Variants in SLC7A8 observed in about 807,000 individuals in gnomAD.
SLC7A8 encodes solute carrier family 7 member 8.
A neutral mutation model predicts 51.2 loss-of-function variants in SLC7A8; 30 were observed. The ratio of observed to expected loss-of-function variants is 0.59; its 90% CI spans 0.44 to 0.80. The LOEUF is 0.80. SLC7A8 is among the 30% of genes least tolerant of loss of function. SLC7A8 has a pLI of 0.00. For synonymous variants in SLC7A8, 257 were observed against 275.8 expected (o/e 0.93, Z 0.67); for missense variants, 612 against 674.4 (o/e 0.91, Z 1.03).
chr14:23,168,215 G>A (rs1222442294), intron 1 of SLC7A8, among the ~76,000 whole-genome samples: 2 of 152,214 alleles, frequency 1.3e-5, no homozygotes, highest in Non-Finnish European at 2.9e-5. Context: ...TTTATGTAAA[G>A]TTCTATGATA....
chr14:23,161,715 G>T (rs1269624378), intron 3 of SLC7A8, among the ~76,000 whole-genome samples: 1 of 152,092 alleles, frequency 6.6e-6, no homozygotes, highest in Non-Finnish European at 1.5e-5. Context: ...ATCACTTGAG[G>T]TCAGGAGTTT....
rs547334752 is a variant in SLC7A8 at position 23,131,809 on chromosome 14, G to T, written c.1017-252C>A. Reference sequence around the variant, plus strand: ...GTTAGACCCTGAATGTGGTATGGGTGGCTCAGGGTTACTGATAATTGTACT... The same window carrying T: ...GTTAGACCCTGAATGTGGTATGGGTTGCTCAGGGTTACTGATAATTGTACT... On this transcript the variant is annotated intron_variant, in intron 7 of 10. Coordinates refer to ENST00000316902, the MANE Select transcript of SLC7A8 (RefSeq NM_012244.4). 1.1e-4 allele frequency among the ~76,000 whole-genome samples: 17 copies of T among 152,366 alleles called. No homozygotes were observed. In the East Asian group the frequency reaches 2.1e-3, roughly 19 times the overall value.
intron 1 of SLC7A8, among the ~76,000 whole-genome samples, chr14:23,176,967 G>A (rs1876956199): frequency 6.7e-6 from 1 of 148,956 alleles, no homozygotes; most frequent in African/African-American, 2.5e-5. Context: ...AAAAAAATTG[G>A]GATTTAGTAA....
chr14:23,132,036 A>G (rs1487487777), intron 7 of SLC7A8, among the ~76,000 whole-genome samples: 3 of 124,346 alleles, frequency 2.4e-5, no homozygotes, highest in African/African-American at 9.5e-5. Context: ...ATGGAGTCTG[A>G]CTCTGTCGCC....
chr14:23,148,519 C>T (rs561334197), intron 3 of SLC7A8, among the ~76,000 whole-genome samples: 7 of 152,276 alleles, frequency 4.6e-5, no homozygotes, highest in South Asian at 2.1e-4. Flanking sequence ...TGAGCCACCG[C>T]GCCCAGCCAA....
At chr14:23,130,352 T>A (rs2048620601) in intron 8 of SLC7A8, among the ~76,000 whole-genome samples, 2 of 152,192 alleles carry the variant, frequency 1.3e-5, no homozygotes, top group Admixed American at 1.3e-4. Context: ...TTAACTCACT[T>A]AACCCTCATA....
At chr14:23,166,128 G>A (rs2048948533) in intron 2 of SLC7A8, among the ~76,000 whole-genome samples, 1 of 151,784 alleles carries the variant, frequency 6.6e-6, no homozygotes, top group Non-Finnish European at 1.5e-5. Flanking sequence ...TACAAACCTG[G>A]TCCTCCATCA....
In SLC7A8 at chr14:23,136,513, AG is replaced by A. The variant is rs146726950; in HGVS notation, c.1016+1407del. Among the ~76,000 whole-genome samples the A allele has an allele frequency of 3.3e-3, 500 of 152,338 alleles. 6 individuals carry two copies. Among genetic ancestry groups the A allele is most frequent in the African/African-American group, 0.012 (480 of 41,578 alleles). On this transcript the variant is annotated intron_variant, in intron 7 of 10. Transcript: ENST00000316902. Reference sequence around the variant, plus strand: ...ACACATCCACACACTCTGACTCTTCAGGAAGGATCATCCTCTCCCTACCCGA... The same window carrying A: ...ACACATCCACACACTCTGACTCTTCAGAAGGATCATCCTCTCCCTACCCGA...
intron 3 of SLC7A8, among the ~76,000 whole-genome samples, chr14:23,160,493 C>T (rs1318267942): frequency 6.6e-6 from 1 of 151,544 alleles, no homozygotes; most frequent in Non-Finnish European, 1.5e-5. Context: ...ATGGCGTGAA[C>T]CCGGGAGGCA....
At chr14:23,141,104 G>A (rs904668797) in intron 4 of SLC7A8, among the ~76,000 whole-genome samples, 5 of 46,316 alleles carry the variant, frequency 1.1e-4, no homozygotes, top group African/African-American at 1.5e-4. Context: ...GCAACATAGT[G>A]AGACTCCCAT....
chr14:23,159,951 A>C (rs1371888891), intron 3 of SLC7A8, among the ~76,000 whole-genome samples: 1 of 152,208 alleles, frequency 6.6e-6, no homozygotes, highest in African/African-American at 2.4e-5. Context: ...GTGAGGAAGG[A>C]GAAGGAACTT....
intron 8 of SLC7A8, 41 bp from the exon 9 acceptor site, chr14:23,129,840 T>C: frequency 1.2e-6 from 2 of 1,609,600 alleles, no homozygotes; most frequent in East Asian, 2.2e-5. Flanking sequence ...CCGAAAGATA[T>C]TCAGAGACTG....
chr14:23,172,243 C>G (rs1473263508), intron 1 of SLC7A8, among the ~76,000 whole-genome samples: 2 of 152,184 alleles, frequency 1.3e-5, no homozygotes, highest in African/African-American at 4.8e-5. Flanking sequence ...ATTCAATGGA[C>G]TTGCTTTGGA....
Position 23,165,285 on chromosome 14 carries a change from A to G in SLC7A8, c.508T>C (p.Leu170=), listed in dbSNP as rs775048529. Residue 170 remains leucine (L), a splice_region_variant and synonymous_variant, in exon 3 of 11, where the codon TTG becomes CTG. Coordinates refer to ENST00000316902, the MANE Select transcript of SLC7A8 (RefSeq NM_012244.4). This position sits in a 1 kb window ranked among gnomAD's most constrained non-coding sequence, Gnocchi z 4.2. ...GLRLLAAICL[L]LLTWVNCSSV... ...CTACCAAGACCCAGATGACACTTACATAAGCAGATGGCAGCCAGGAGCCGA... is the reference window on the plus strand; with the variant it reads ...CTACCAAGACCCAGATGACACTTACGTAAGCAGATGGCAGCCAGGAGCCGA... The G allele has an allele frequency of 1.1e-5, 17 of 1,609,478 alleles. No homozygotes were observed. The highest frequency in any genetic ancestry group is 1.4e-5 in the Non-Finnish European group (16 of 1,178,204).
intron 2 of SLC7A8, 129 bp downstream of exon 2, chr14:23,166,207 C>A: frequency 1.1e-6 from 1 of 907,940 alleles, no homozygotes; most frequent in Non-Finnish European, 1.7e-6. Flanking sequence ...AGAGACATTC[C>A]ATTCACTAGC....
At chr14:23,132,721 C>T (rs936364213) in intron 7 of SLC7A8, among the ~76,000 whole-genome samples, 19 of 151,654 alleles carry the variant, frequency 1.3e-4, no homozygotes, top group Non-Finnish European at 2.5e-4. Flanking sequence ...CCGCAACCTC[C>T]GCCTCCCAGG....
At chr14:23,149,636 C>T (rs926644254) in intron 3 of SLC7A8, among the ~76,000 whole-genome samples, 1 of 152,202 alleles carries the variant, frequency 6.6e-6, no homozygotes, top group Non-Finnish European at 1.5e-5. Context: ...AGTGGCCCCA[C>T]CGTGTACTGT....
At chr14:23,138,247 T>G (rs1302615225) in intron 6 of SLC7A8, 9 of 527,094 alleles carry the variant, frequency 1.7e-5, no homozygotes, top group Non-Finnish European at 3.0e-5. Flanking sequence ...ACACTGGTAA[T>G]AATAATAATG....
intron 7 of SLC7A8, among the ~76,000 whole-genome samples, chr14:23,134,307 C>T (rs951430705): frequency 2.0e-5 from 3 of 151,248 alleles, no homozygotes; most frequent in African/African-American, 4.9e-5. Context: ...CGTGGTAGAG[C>T]GTGCCTGTAG....
Sources: allele counts gnomAD v4.1 joint callset (sites outside exome capture counted in the v4.1 genomes callset), GRCh38; gene constraint gnomAD v4.1.1; non-coding constraint Gnocchi (gnomAD v3.1); transcripts MANE v1.5; gene names NCBI Gene and HGNC (gene_info 2026-07-23, HGNC 2026-07-21).